Variants in CBX2 observed in about 807,000 individuals in gnomAD.
CBX2 encodes the protein chromobox protein homolog 2.
CBX2 carries 11 observed loss-of-function variants against 21.0 expected under a neutral mutation model. The ratio of observed to expected loss-of-function variants is 0.52; its 90% CI spans 0.33 to 0.87. The LOEUF (loss-of-function observed/expected upper bound fraction) is 0.87. CBX2 is among the 40% of genes least tolerant of loss of function. CBX2 has a pLI of 0.02. For synonymous variants in CBX2, 364 were observed against 304.6 expected (o/e 1.19, Z -2.03); for missense variants, 746 against 724.3 (o/e 1.03, Z -0.34).
Position 79,778,215 on chromosome 17 carries a change from T to TCGGGCTGGCTGC in CBX2, c.-15_-4dup, listed in dbSNP as rs1191548826. The TCGGGCTGGCTGC allele has an allele frequency of 7.5e-7, 1 of 1,325,800 alleles. No individual in the cohort carries two copies. The highest frequency in any genetic ancestry group is 9.6e-7 in the Non-Finnish European group (1 of 1,036,438). 82.1% of individuals were successfully genotyped at this position (1,325,800 alleles called of 1,614,324 possible). Reference sequence around the variant, plus strand: ...GGGTGACTGGCGGCGGGCGCCGCGGTCGGGCTGGCTGCCGGGCAGCATGGA... The same window carrying TCGGGCTGGCTGC: ...GGGTGACTGGCGGCGGGCGCCGCGGTCGGGCTGGCTGCCGGGCTGGCTGCCGGGCAGCATGGA... On this transcript the variant is annotated 5_prime_UTR_variant, in exon 1 of 5. Coordinates refer to ENST00000310942, the MANE Select transcript of CBX2 (RefSeq NM_005189.3). The surrounding 1 kb of genome is among the most constrained non-coding windows in gnomAD (Gnocchi z 4.8).
chr17:79,782,236 C>G, intron 4 of CBX2: 1 of 1,588,412 alleles, frequency 6.3e-7, no homozygotes, highest in Non-Finnish European at 8.6e-7. Context: ...CACCTTAAAT[C>G]GAGGTGGCCA....
intron 3 of CBX2, 151 bp from the exon 4 acceptor site, chr17:79,781,545 C>G: frequency 6.7e-6 from 5 of 742,216 alleles, no homozygotes; most frequent in South Asian, 5.8e-5. Context: ...GGGGTCTGAT[C>G]TCTGCCTTGG....
At chr17:79,783,638 G>A in intron 4 of CBX2, 94 bp from the exon 5 acceptor site, 1 of 1,084,808 alleles carries the variant, frequency 9.2e-7, no homozygotes, top group Non-Finnish European at 1.4e-6. Flanking sequence ...TTGAACTCCT[G>A]ACCTCAGGTG....
Position 79,778,697 on chromosome 17 carries a change from C to G in CBX2, c.116+270C>G, listed in dbSNP as rs1326058430. ...GCCGCGCCGCGCTCCCCCCAACCCC[C>G]GTCCCGGCCGGGAGGGAGGCGCGGG... is the stretch of plus-strand genomic sequence containing the variant. On this transcript the variant is annotated intron_variant, in intron 2 of 4. Transcript: ENST00000310942. This position sits in a 1 kb window ranked among gnomAD's most constrained non-coding sequence, Gnocchi z 4.8. 1.3e-5 allele frequency among the ~76,000 whole-genome samples: 2 copies of G among 152,116 alleles called. No homozygotes were observed. The highest frequency in any genetic ancestry group is 2.1e-4 in the South Asian group (1 of 4,832).
rs1907566444 is a variant in CBX2, at chr17:79,785,391, GCTCCTC to G, written c.*351_*356del. 2 of 373,788 alleles carry G rather than the reference GCTCCTC, an allele frequency of 5.4e-6. No homozygotes were observed. The highest frequency in any genetic ancestry group is 4.1e-5 in the African/African-American group (2 of 48,648). The allele number at this position is 373,788 out of a possible 1,614,324, so 23.2% of individuals were successfully genotyped here. ...GCTGCGTTGTTGCTGAGTTTGAACT[GCTCCTC>G]CCTGGCCTGCGTGACTGAATCACAG... On this transcript the variant is annotated 3_prime_UTR_variant, in exon 5 of 5. Coordinates refer to ENST00000310942, the MANE Select transcript of CBX2 (RefSeq NM_005189.3).
chr17:79,781,780 C>G lies in CBX2; in HGVS notation c.267C>G (p.Cys89Trp). 1 of 1,614,138 alleles carries G rather than the reference C, an allele frequency of 6.2e-7. No individual in the cohort carries two copies. Among genetic ancestry groups the G allele is most frequent in the Non-Finnish European group, 8.5e-7 (1 of 1,180,006 alleles). ...RPRKLTAMSSCSRRSKLKEPD... is the reference protein window; with the variant it reads ...RPRKLTAMSSWSRRSKLKEPD... ...GGAAGCTCACTGCCATGTCCTCCTGCAGCCGGCGCTCCAAGCTCAAGGTGG... is the reference window on the plus strand; with the variant it reads ...GGAAGCTCACTGCCATGTCCTCCTGGAGCCGGCGCTCCAAGCTCAAGGTGG... Residue 89 changes from cysteine to tryptophan, a missense_variant, in exon 4 of 5, where the codon TGC (cysteine) becomes TGG (tryptophan). Transcript: ENST00000310942.
chr17:79,783,726 T>C lies in CBX2; in HGVS notation c.289-6T>C, dbSNP rs2145828014. 1.3e-6 allele frequency: 2 copies of C among 1,551,616 alleles called. No homozygotes were observed. Among genetic ancestry groups the C allele is most frequent in the South Asian group, 1.2e-5 (1 of 84,098 alleles). The stretch of plus-strand genomic sequence containing the variant: ...CACCCAGCCAACTTCTCCTTTATCT[T>C]TCCAGGAACCCGATGCTCCCTCCAA... On this transcript the variant is annotated splice_region_variant and splice_polypyrimidine_tract_variant and intron_variant, in intron 4 of 4. Coordinates refer to ENST00000310942, the MANE Select transcript of CBX2 (RefSeq NM_005189.3).
chr17:79,784,854 C>G lies in CBX2; in HGVS notation c.1411C>G (p.Pro471Ala), dbSNP rs141957173. 12,005 of 1,613,034 alleles carry G rather than the reference C, an allele frequency of 7.4e-3. 51 individuals are homozygous for G. Among genetic ancestry groups the G allele is most frequent in the Non-Finnish European group, 9.2e-3 (10,890 of 1,179,924 alleles). Residue 471 changes from proline (P) to alanine (A), a missense_variant, in exon 5 of 5, where the codon CCC becomes GCC. Physicochemically the swap from Pro to Ala is conservative, Grantham distance 27 (BLOSUM62 -1). Coordinates refer to ENST00000310942, the MANE Select transcript of CBX2 (RefSeq NM_005189.3). The surrounding 1 kb of genome is among the most constrained non-coding windows in gnomAD (Gnocchi z 5.9). ...GEESSSSDSD[P>A]DSASPPSTGQ... Reference sequence around the variant, plus strand: ...GGAGAGTAGCAGCTCGGACTCCGACCCCGACTCCGCCTCGCCGCCCAGCAC... The same window carrying G: ...GGAGAGTAGCAGCTCGGACTCCGACGCCGACTCCGCCTCGCCGCCCAGCAC...
upstream of CBX2, among the ~76,000 whole-genome samples, chr17:79,777,913 C>T (rs1419550632): frequency 1.4e-5 from 2 of 147,978 alleles, no homozygotes; most frequent in Non-Finnish European, 3.0e-5. Context: ...AGGGGCCCGC[C>T]CGCGCCCCCA....
rs1285129214 is a variant in CBX2, at chr17:79,779,444, C to T, written c.182+17C>T. The stretch of plus-strand genomic sequence containing the variant: ...CCAGAAGAAGTGAGGACGCTGACAG[C>T]ACTGGGGAGGGTGTGGGGGAGGGAC... On this transcript the variant is annotated intron_variant, in intron 3 of 4. Transcript: ENST00000310942. 3 of 1,597,670 alleles carry T rather than the reference C, an allele frequency of 1.9e-6. No individual in the cohort carries two copies. Among genetic ancestry groups the T allele is most frequent in the East Asian group, 4.5e-5 (2 of 44,764 alleles).
In CBX2 at chr17:79,787,209, C is replaced by T. The variant is rs1329387994; in HGVS notation, c.*2167C>T. 3 of 152,466 alleles carry T rather than the reference C, an allele frequency of 2.0e-5. No individual in the cohort carries two copies. Among genetic ancestry groups the T allele is most frequent in the Non-Finnish European group, 2.9e-5 (2 of 68,084 alleles). The allele number at this position is 152,466 out of a possible 1,614,324, so 9.4% of individuals were successfully genotyped here. A position where few individuals can be genotyped will look rare whatever the true frequency, so the allele number is the denominator to read the frequency against. ...TTCCTGCTGAGCACTGTGCTACCTT[C>T]ACTGCTCCAAAGCCAGACTAACAGC... On this transcript the variant is annotated 3_prime_UTR_variant, in exon 5 of 5. Transcript: ENST00000310942.
Position 79,778,228 on chromosome 17 carries a change from C to T in CBX2, c.-8C>T, listed in dbSNP as rs782104531. On this transcript the variant is annotated 5_prime_UTR_variant, in exon 1 of 5. Coordinates refer to ENST00000310942, the MANE Select transcript of CBX2 (RefSeq NM_005189.3). This position sits in a 1 kb window ranked among gnomAD's most constrained non-coding sequence, Gnocchi z 4.8. The stretch of plus-strand genomic sequence containing the variant: ...CGGGCGCCGCGGTCGGGCTGGCTGC[C>T]GGGCAGCATGGAGGAGCTGAGCAGC... The T allele has an allele frequency of 2.8e-6, 4 of 1,403,802 alleles. No homozygotes were observed. In the South Asian group the frequency reaches 4.4e-5, roughly 15 times the overall value. 87.0% of individuals were successfully genotyped at this position (1,403,802 alleles called of 1,614,324 possible). A position where few individuals can be genotyped will look rare whatever the true frequency, so the allele number is the denominator to read the frequency against.
chr17:79,778,486 G>A lies in CBX2; in HGVS notation c.116+59G>A, dbSNP rs1369077073. ...CCCCCTCGCCCGGGGGTGGGGACGT[G>A]GAGCCCCTCGGCCGCGCCGTCCGGT... is the stretch of plus-strand genomic sequence containing the variant. On this transcript the variant is annotated intron_variant, in intron 2 of 4. Transcript: ENST00000310942. The surrounding 1 kb of genome is among the most constrained non-coding windows in gnomAD (Gnocchi z 4.8). 2 of 1,197,486 alleles carry A rather than the reference G, an allele frequency of 1.7e-6. No individual in the cohort carries two copies. The highest frequency in any genetic ancestry group is 2.3e-6 in the Non-Finnish European group (2 of 872,214). 74.2% of individuals were successfully genotyped at this position (1,197,486 alleles called of 1,614,324 possible).
chr17:79,783,958 A>C lies in CBX2; in HGVS notation c.515A>C (p.Glu172Ala). 6.2e-7 allele frequency: 1 copy of C among 1,613,856 alleles called. No individual in the cohort carries two copies. The highest frequency in any genetic ancestry group is 8.5e-7 in the Non-Finnish European group (1 of 1,180,028). Residue 172 changes from glutamate to alanine, a missense_variant, in exon 5 of 5, where the codon GAG becomes GCG. Transcript: ENST00000310942. ...CGGGGACGAAAGCCCCTGCCCCCAG[A>C]GCAAAAGGCAACCCGAAGACCCGTG... ...KKRGRKPLPPEQKATRRPVSL... is the reference protein window; with the variant it reads ...KKRGRKPLPPAQKATRRPVSL...
intron 4 of CBX2, among the ~76,000 whole-genome samples, chr17:79,783,225 A>C (rs530707090): frequency 1.5e-4 from 23 of 151,874 alleles, no homozygotes; most frequent in Non-Finnish European, 2.9e-4. Flanking sequence ...TTTTCTCTCT[A>C]TCTACCTTTA....
rs1284581373 is a variant in CBX2 at position 79,785,135 on chromosome 17, G to A, written c.*93G>A. 6 of 1,145,464 alleles carry A rather than the reference G, an allele frequency of 5.2e-6. No individual in the cohort carries two copies. The Admixed American group carries it at 7.0e-5, about 13-fold the overall frequency. 71.0% of individuals were successfully genotyped at this position (1,145,464 alleles called of 1,614,324 possible). ...ACTCCCAGCCCAAGCCCCCTCAAGAGTCTGGGTCGGGGGAGGAGGAGTGGG... is the reference window on the plus strand; with the variant it reads ...ACTCCCAGCCCAAGCCCCCTCAAGAATCTGGGTCGGGGGAGGAGGAGTGGG... On this transcript the variant is annotated 3_prime_UTR_variant, in exon 5 of 5. Transcript: ENST00000310942.
chr17:79,785,352 C>G lies in CBX2; in HGVS notation c.*310C>G. On this transcript the variant is annotated 3_prime_UTR_variant, in exon 5 of 5. Coordinates refer to ENST00000310942, the MANE Select transcript of CBX2 (RefSeq NM_005189.3). ...CTCCAGGTGACTGTCTTGAACAGAGCGGGCTTCTTCATGGCTGCGTTGTTG... is the reference window on the plus strand; with the variant it reads ...CTCCAGGTGACTGTCTTGAACAGAGGGGGCTTCTTCATGGCTGCGTTGTTG... 1 of 463,460 alleles carries G rather than the reference C, an allele frequency of 2.2e-6. No homozygotes were observed. The allele number at this position is 463,460 out of a possible 1,614,324, so 28.7% of individuals were successfully genotyped here. A position where few individuals can be genotyped will look rare whatever the true frequency, so the allele number is the denominator to read the frequency against.
rs566335237 is a variant in CBX2 at position 79,785,408 on chromosome 17, G to A, written c.*366G>A. ...TTTGAACTGCTCCTCCCTGGCCTGC[G>A]TGACTGAATCACAGCTTTGGTCCCT... On this transcript the variant is annotated 3_prime_UTR_variant, in exon 5 of 5. Transcript: ENST00000310942. 12 of 325,632 alleles carry A rather than the reference G, an allele frequency of 3.7e-5. No individual in the cohort carries two copies. Among genetic ancestry groups the A allele is most frequent in the East Asian group, 6.9e-5 (1 of 14,472 alleles). The allele number at this position is 325,632 out of a possible 1,614,324, so 20.2% of individuals were successfully genotyped here. A position where few individuals can be genotyped will look rare whatever the true frequency, so the allele number is the denominator to read the frequency against.
In CBX2 at chr17:79,787,608, CTAGG is replaced by C. The variant is rs1228182995; in HGVS notation, c.*2569_*2572del. The C allele has an allele frequency of 6.6e-6, 1 of 152,344 alleles. No homozygotes were observed. The highest frequency in any genetic ancestry group is 1.5e-5 in the Non-Finnish European group (1 of 68,024). The allele number at this position is 152,344 out of a possible 1,614,324, so 9.4% of individuals were successfully genotyped here. On this transcript the variant is annotated 3_prime_UTR_variant, in exon 5 of 5. Transcript: ENST00000310942. ...TGTGTGTGTGTTTGTGTTTGTGTAG[CTAGG>C]TATCTGGCACTTCTGACGATGCATT...
Sources: allele counts gnomAD v4.1 joint callset (sites outside exome capture counted in the v4.1 genomes callset), GRCh38; gene constraint gnomAD v4.1.1; non-coding constraint Gnocchi (gnomAD v3.1); transcripts MANE v1.5; gene names NCBI Gene and HGNC (gene_info 2026-07-23, HGNC 2026-07-21).